SLC5A1: variants seen among roughly 807,000 people sequenced by gnomAD.
SLC5A1 encodes the protein solute carrier family 5 member 1.
Under a neutral mutation model 73.5 loss-of-function variants are expected in SLC5A1, and 42 were observed. The observed-to-expected ratio is 0.57, with a 90% CI of 0.45 to 0.74. The LOEUF is 0.74. SLC5A1 is among the 30% of genes least tolerant of loss of function. The pLI is 0.00. For synonymous variants in SLC5A1, 300 were observed against 317.4 expected (o/e 0.95, Z 0.58); for missense variants, 634 against 855.4 (o/e 0.74, Z 3.23).
intron 5 of SLC5A1, among the ~76,000 whole-genome samples, chr22:32,074,724 A>G (rs1290051605): frequency 2.0e-5 from 3 of 152,212 alleles, no homozygotes; most frequent in Non-Finnish European, 4.4e-5. Context: ...CATGACCAAC[A>G]TTATACTTAC....
At chr22:32,067,620 G>A (rs2093975930) in intron 3 of SLC5A1, among the ~76,000 whole-genome samples, 1 of 151,894 alleles carries the variant, frequency 6.6e-6, no homozygotes, top group Non-Finnish European at 1.5e-5. Flanking sequence ...AATAATAGTA[G>A]TCGTCATAAT....
chr22:32,080,090 A>G (rs905393327), intron 5 of SLC5A1, among the ~76,000 whole-genome samples: 1 of 152,154 alleles, frequency 6.6e-6, no homozygotes, highest in African/African-American at 2.4e-5. Flanking sequence ...AAAGGTTTGC[A>G]GGCCTAGAGT....
chr22:32,082,762 A>G (rs2094002002), intron 6 of SLC5A1, among the ~76,000 whole-genome samples: 1 of 152,188 alleles, frequency 6.6e-6, no homozygotes, highest in Non-Finnish European at 1.5e-5. Context: ...TGTGTGTGGA[A>G]GACGCTTCTT....
At chr22:32,085,115 C>T in intron 9 of SLC5A1, 80 bp downstream of exon 9, 1 of 1,543,596 alleles carries the variant, frequency 6.5e-7, no homozygotes, top group Non-Finnish European at 8.9e-7. Flanking sequence ...TAGCTTCCCG[C>T]TTCCTCCTCT....
rs1308326958 is a variant in SLC5A1 at position 32,111,886 on chromosome 22, C to G, written c.*1673C>G. ...CCTTGTGCTCAGGGTGAAGTAGAAC[C>G]AGAAAACATCGTTATCCATTCCCAG... On this transcript the variant is annotated 3_prime_UTR_variant, in exon 15 of 15. Transcript: ENST00000266088. 1 of 152,088 alleles carries G rather than the reference C, an allele frequency of 6.6e-6. No individual in the cohort carries two copies. Among genetic ancestry groups the G allele is most frequent in the African/African-American group, 2.4e-5 (1 of 41,410 alleles). The allele number at this position is 152,088 out of a possible 1,614,324, so 9.4% of individuals were successfully genotyped here.
rs1432802332 is a variant in SLC5A1, at chr22:32,049,192, T to TA, written c.136-750dup. On this transcript the variant is annotated intron_variant, in intron 1 of 14. Transcript: ENST00000266088. ...ATATCTATATCTATATCTATATCTA[T>TA]ATCTATATCTATATCTATATCTATA... Among the ~76,000 whole-genome samples the TA allele has an allele frequency of 1.2e-4, 5 of 40,588 alleles. 1 individual carries two copies. Among genetic ancestry groups the TA allele is most frequent in the Non-Finnish European group, 3.3e-4 (3 of 9,102 alleles). The allele number at this position is 40,588 out of a possible 152,430, so 26.6% of individuals were successfully genotyped here. A position where few individuals can be genotyped will look rare whatever the true frequency, so the allele number is the denominator to read the frequency against.
At chr22:32,053,794 G>A (rs763835586) in intron 2 of SLC5A1, among the ~76,000 whole-genome samples, 1 of 152,144 alleles carries the variant, frequency 6.6e-6, no homozygotes, top group Non-Finnish European at 1.5e-5. Context: ...ATATATCTGG[G>A]ATTAAATTAG....
At chr22:32,095,165 G>A (rs1425914679) in intron 11 of SLC5A1, among the ~76,000 whole-genome samples, 2 of 152,124 alleles carry the variant, frequency 1.3e-5, no homozygotes, top group Non-Finnish European at 2.9e-5. Flanking sequence ...GGTTCCCTTT[G>A]AAGTTGATTT....
chr22:32,086,236 C>T lies in SLC5A1; in HGVS notation c.1038C>T (p.Val346=), dbSNP rs201495791. The change falls in exon 10 of 15, where the codon GTC becomes GTT. Residue 346 remains valine, a synonymous_variant. Transcript: ENST00000266088. ...TCTTCCCAGAAAAAATTGCCTGTGTCGTCCCTTCAGAATGTGAGAAATATT... is the reference window on the plus strand; with the variant it reads ...TCTTCCCAGAAAAAATTGCCTGTGTTGTCCCTTCAGAATGTGAGAAATATT... ...RILYTEKIAC[V]VPSECEKYCG... 13 of 1,613,092 alleles carry T rather than the reference C, an allele frequency of 8.1e-6. No homozygotes were observed. Among genetic ancestry groups the T allele is most frequent in the Admixed American group, 1.7e-5 (1 of 59,996 alleles).
intron 11 of SLC5A1, among the ~76,000 whole-genome samples, chr22:32,095,638 T>C (rs906763773): frequency 7.2e-5 from 11 of 152,246 alleles, no homozygotes; most frequent in Admixed American, 3.9e-4. Flanking sequence ...TTAAAGTTTC[T>C]TTTGAAACGT....
chr22:32,048,841 C>G (rs1228553025), intron 1 of SLC5A1, among the ~76,000 whole-genome samples: 1 of 152,012 alleles, frequency 6.6e-6, no homozygotes, highest in Non-Finnish European at 1.5e-5. Context: ...GAGGCCGAAG[C>G]AGGCAGATCA....
chr22:32,052,020 T>C (rs2093945740), intron 2 of SLC5A1, among the ~76,000 whole-genome samples: 1 of 152,228 alleles, frequency 6.6e-6, no homozygotes, highest in Non-Finnish European at 1.5e-5. Flanking sequence ...CTGAAACCTA[T>C]TGAAGGACTG....
rs562500541 is a variant in SLC5A1 at position 32,053,210 on chromosome 22, T to C, written c.207+3196T>C. Among the ~76,000 whole-genome samples the C allele has an allele frequency of 7.0e-4, 107 of 152,234 alleles. 2 individuals are homozygous for C. The highest frequency in any genetic ancestry group is 3.4e-3 in the Middle Eastern group (1 of 294). ...CCATTGGTATATTTTGGGTGGGAGC[T>C]TTTGGGTTATCACAGCAGTGTCTGC... On this transcript the variant is annotated intron_variant, in intron 2 of 14. Coordinates refer to ENST00000266088, the MANE Select transcript of SLC5A1 (RefSeq NM_000343.4).
intron 3 of SLC5A1, 53 bp downstream of exon 3, chr22:32,067,092 C>A: frequency 7.4e-7 from 1 of 1,358,672 alleles, no homozygotes; most frequent in African/African-American, 1.4e-5. Context: ...CCTTAGCAGT[C>A]AACCAGTTCA....
intron 11 of SLC5A1, among the ~76,000 whole-genome samples, chr22:32,092,182 G>A (rs2094019013): frequency 6.6e-6 from 1 of 152,082 alleles, no homozygotes; most frequent in Non-Finnish European, 1.5e-5. Flanking sequence ...CCACTTATAA[G>A]TGAGAACATA....
rs2094008060 is a variant in SLC5A1 at position 32,086,238 on chromosome 22, T to A, written c.1040T>A (p.Val347Asp). Residue 347 changes from valine (V) to aspartate (D), a missense_variant, in exon 10 of 15, where the codon GTC (valine) becomes GAC (aspartate). Val to Asp is a radical substitution (Grantham distance 152, BLOSUM62 -3). This residue lies in a region of SLC5A1 where 422 missense variants were observed against 626.1 expected (regional missense o/e 0.67). Transcript: ENST00000266088. ...ILYTEKIACV[V>D]PSECEKYCGT... Reference sequence around the variant, plus strand: ...TTCCCAGAAAAAATTGCCTGTGTCGTCCCTTCAGAATGTGAGAAATATTGC... The same window carrying A: ...TTCCCAGAAAAAATTGCCTGTGTCGACCCTTCAGAATGTGAGAAATATTGC... The A allele has an allele frequency of 6.2e-7, 1 of 1,613,690 alleles. No homozygotes were observed.
At chr22:32,054,142 C>T (rs2093948569) in intron 2 of SLC5A1, among the ~76,000 whole-genome samples, 1 of 152,222 alleles carries the variant, frequency 6.6e-6, no homozygotes, top group South Asian at 2.1e-4. Context: ...CATTGCACTC[C>T]AGCTTGGGCA....
intron 2 of SLC5A1, chr22:32,059,180 G>A (rs1185074903): frequency 7.1e-6 from 7 of 984,840 alleles, no homozygotes; most frequent in African/African-American, 1.8e-5. Flanking sequence ...ACAGTGAGCC[G>A]AGATCATGCC....
chr22:32,045,697 C>T (rs1569297645), intron 1 of SLC5A1, among the ~76,000 whole-genome samples: 1 of 152,218 alleles, frequency 6.6e-6, no homozygotes, highest in East Asian at 1.9e-4. Context: ...TAGAATTTGG[C>T]TTCTTACTTC....
Sources: allele counts gnomAD v4.1 joint callset (sites outside exome capture counted in the v4.1 genomes callset), GRCh38; gene constraint gnomAD v4.1.1; regional missense constraint gnomAD v4.1.1; transcripts MANE v1.5; gene names NCBI Gene and HGNC (gene_info 2026-07-23, HGNC 2026-07-21).